Variants in NR1H4 observed in about 807,000 individuals in gnomAD.
The protein encoded by NR1H4 is bile acid receptor.
Under a neutral mutation model 58.5 loss-of-function variants are expected in NR1H4, and 23 were observed. The ratio of observed to expected loss-of-function variants is 0.39; its 90% CI spans 0.28 to 0.56. The LOEUF (loss-of-function observed/expected upper bound fraction) is 0.56, where lower values mean the gene tolerates loss of function less well. NR1H4 is among the 20% of genes least tolerant of loss of function. The pLI, the probability that NR1H4 is intolerant of heterozygous loss-of-function variation, is 0.58. For missense variants in NR1H4, 487 were observed against 576.9 expected (o/e 0.84, Z 1.60); for synonymous variants, 214 against 198.0 (o/e 1.08, Z -0.68).
intron 1 of NR1H4, among the ~76,000 whole-genome samples, chr12:100,484,458 C>T (rs1219346475): frequency 6.6e-6 from 1 of 152,176 alleles, no homozygotes; most frequent in Admixed American, 6.5e-5. Flanking sequence ...ACAATAAAAA[C>T]AAACAGTGCA....
intron 4 of NR1H4, among the ~76,000 whole-genome samples, chr12:100,517,136 C>T (rs752009021): frequency 1.3e-5 from 2 of 152,212 alleles, no homozygotes; most frequent in Non-Finnish European, 2.9e-5. Flanking sequence ...CATATTCCTT[C>T]TATCTAACTG....
chr12:100,477,649 A>G (rs1264791633), intron 1 of NR1H4, among the ~76,000 whole-genome samples: 1 of 152,246 alleles, frequency 6.6e-6, no homozygotes, highest in Non-Finnish European at 1.5e-5. Flanking sequence ...GTTGCTGATT[A>G]GAGAAAACAA....
At chr12:100,542,679 A>T (rs1954965674) in intron 9 of NR1H4, among the ~76,000 whole-genome samples, 1 of 152,202 alleles carries the variant, frequency 6.6e-6, no homozygotes, top group Admixed American at 6.5e-5. Flanking sequence ...TAAGATAGAG[A>T]TTAGAGGGAA....
intron 4 of NR1H4, among the ~76,000 whole-genome samples, chr12:100,520,912 G>A (rs1366217384): frequency 6.6e-6 from 1 of 152,172 alleles, no homozygotes; most frequent in Non-Finnish European, 1.5e-5. Flanking sequence ...TAAAGCTAGC[G>A]AATTCTTAAG....
At chr12:100,504,059 G>C (rs961248865) in intron 3 of NR1H4, among the ~76,000 whole-genome samples, 2 of 151,430 alleles carry the variant, frequency 1.3e-5, no homozygotes, top group Admixed American at 6.6e-5. Flanking sequence ...GTAGGTTGTG[G>C]TAAAAAAAAA....
intron 1 of NR1H4, among the ~76,000 whole-genome samples, chr12:100,490,620 C>T (rs559006846): frequency 6.6e-6 from 1 of 152,028 alleles, no homozygotes; most frequent in Non-Finnish European, 1.5e-5. Flanking sequence ...TATTTAAGCC[C>T]ATTTATTATA....
chr12:100,498,883 G>T (rs1953773640), intron 3 of NR1H4, among the ~76,000 whole-genome samples: 2 of 151,972 alleles, frequency 1.3e-5, no homozygotes, highest in Non-Finnish European at 2.9e-5. Flanking sequence ...ATTGCCTTAT[G>T]CTTCACTTAG....
intron 4 of NR1H4, among the ~76,000 whole-genome samples, chr12:100,530,935 A>G (rs1228244936): frequency 1.3e-5 from 2 of 152,214 alleles, no homozygotes; most frequent in Non-Finnish European, 2.9e-5. Context: ...GTTGAAAGGC[A>G]GGAAGCCGGG....
rs1308694084 is a variant in NR1H4, at chr12:100,536,613, A to G, written c.831+3A>G. 1 of 1,435,398 alleles carries G rather than the reference A, an allele frequency of 7.0e-7. No individual in the cohort carries two copies. Among genetic ancestry groups the G allele is most frequent in the Non-Finnish European group, 9.8e-7 (1 of 1,017,610 alleles). 88.9% of individuals were successfully genotyped at this position (1,435,398 alleles called of 1,614,324 possible). A position where few individuals can be genotyped will look rare whatever the true frequency, so the allele number is the denominator to read the frequency against. On this transcript the variant is annotated splice_donor_region_variant and intron_variant, in intron 7 of 10. Coordinates refer to ENST00000392986, the MANE Select transcript of NR1H4 (RefSeq NM_001206979.2). ...CTCAGGAAATAACAAATAAAATTGT[A>G]TGTATAATATCTGAAAATATGTGGG... is the stretch of plus-strand genomic sequence containing the variant.
chr12:100,519,353 G>A (rs1169114680), intron 4 of NR1H4, among the ~76,000 whole-genome samples: 1 of 152,016 alleles, frequency 6.6e-6, no homozygotes, highest in Non-Finnish European at 1.5e-5. Flanking sequence ...TGGGGAGTGG[G>A]GCTCTGGCCC....
intron 4 of NR1H4, among the ~76,000 whole-genome samples, chr12:100,519,662 T>C (rs987283044): frequency 3.3e-5 from 5 of 152,108 alleles, no homozygotes; most frequent in Admixed American, 1.3e-4. Context: ...CCTGGGGGTT[T>C]CTCCAGTTCT....
chr12:100,491,329 G>A (rs4764980), intron 1 of NR1H4, among the ~76,000 whole-genome samples: 87,432 of 151,412 alleles, frequency 0.58, 26,091 homozygotes, highest in East Asian at 0.9. Flanking sequence ...TCTTGGGTTC[G>A]GAGTTCCACT....
At chr12:100,523,100 A>T (rs1593091045) in intron 4 of NR1H4, among the ~76,000 whole-genome samples, 1 of 152,194 alleles carries the variant, frequency 6.6e-6, no homozygotes, top group Admixed American at 6.5e-5. Flanking sequence ...CGAATGGTAG[A>T]TCTACTTTCA....
At chr12:100,512,395 A>G (rs933140555) in intron 4 of NR1H4, among the ~76,000 whole-genome samples, 1 of 152,214 alleles carries the variant, frequency 6.6e-6, no homozygotes, top group African/African-American at 2.4e-5. Flanking sequence ...TAATCCCAGC[A>G]CTTTGGGAGA....
intron 9 of NR1H4, among the ~76,000 whole-genome samples, chr12:100,557,040 A>G (rs1209566139): frequency 3.3e-5 from 5 of 151,722 alleles, no homozygotes; most frequent in Non-Finnish European, 7.4e-5. Flanking sequence ...TTTACATTTT[A>G]TTTTAGATTC....
chr12:100,522,500 A>T (rs1295045935), intron 4 of NR1H4, among the ~76,000 whole-genome samples: 1 of 151,402 alleles, frequency 6.6e-6, no homozygotes, highest in African/African-American at 2.4e-5. Context: ...ATGGGATATT[A>T]TTTTTAAAAT....
intron 1 of NR1H4, among the ~76,000 whole-genome samples, chr12:100,479,346 CATCT>C: frequency 6.6e-6 from 1 of 152,118 alleles, no homozygotes; most frequent in African/African-American, 2.4e-5. Context: ...GTCTTTAATC[CATCT>C]GAGATGTATT....
intron 4 of NR1H4, among the ~76,000 whole-genome samples, chr12:100,520,883 A>G (rs1443315322): frequency 2.0e-5 from 3 of 152,178 alleles, no homozygotes; most frequent in Non-Finnish European, 4.4e-5. Flanking sequence ...ACTAGACTAG[A>G]AGGGAGGTGC....
intron 4 of NR1H4, among the ~76,000 whole-genome samples, chr12:100,518,662 T>C (rs1954328539): frequency 6.6e-6 from 1 of 151,858 alleles, no homozygotes; most frequent in South Asian, 2.1e-4. Context: ...GCTACTGGAG[T>C]GCAAAGGCAG....
Sources: allele counts gnomAD v4.1 joint callset (sites outside exome capture counted in the v4.1 genomes callset), GRCh38; gene constraint gnomAD v4.1.1; transcripts MANE v1.5; gene names NCBI Gene and HGNC (gene_info 2026-07-23, HGNC 2026-07-21).